ZNF385D: variants seen among roughly 807,000 people sequenced by gnomAD.
ZNF385D encodes zinc finger protein 385D, also known as zinc finger protein 659.
ZNF385D carries 15 observed loss-of-function variants against 35.8 expected under a neutral mutation model. That is an observed-to-expected ratio of 0.42 (90% CI 0.28 to 0.64). The LOEUF is 0.64. Among genes scored for constraint, ZNF385D ranks in the 30% least tolerant of loss-of-function variants. The probability of loss-of-function intolerance (pLI) is 0.23; values close to 1 mark genes in which losing one functional copy is unlikely to be tolerated. For synonymous variants in ZNF385D, 212 were observed against 186.8 expected (o/e 1.13, Z -1.10); for missense variants, 474 against 494.6 (o/e 0.96, Z 0.39).
At chr3:22,194,371 A>C (rs1696264164) in intron 2 of ZNF385D, among the ~76,000 whole-genome samples, 1 of 151,892 alleles carries the variant, frequency 6.6e-6, no homozygotes, top group Non-Finnish European at 1.5e-5. Flanking sequence ...ATTTAATTCA[A>C]TCTGACAGGT....
chr3:21,768,659 C>T (rs2070938838), intron 3 of ZNF385D, among the ~76,000 whole-genome samples: 1 of 151,508 alleles, frequency 6.6e-6, no homozygotes, highest in Non-Finnish European at 1.5e-5. Flanking sequence ...CTTTGTCTTC[C>T]AAATATTGGG....
chr3:22,177,773 C>T (rs879272672), intron 2 of ZNF385D, among the ~76,000 whole-genome samples: 1 of 152,132 alleles, frequency 6.6e-6, no homozygotes, highest in African/African-American at 2.4e-5. Context: ...GTGATGTTCC[C>T]CTTCCTGTGC....
chr3:22,319,524 A>C (rs1426887550), intron 2 of ZNF385D, among the ~76,000 whole-genome samples: 5 of 152,152 alleles, frequency 3.3e-5, no homozygotes, highest in Non-Finnish European at 7.4e-5. Flanking sequence ...TGGACACTAG[A>C]AATGCTGTTG....
At chr3:21,882,373 G>A (rs192331983) in intron 3 of ZNF385D, among the ~76,000 whole-genome samples, 33 of 151,898 alleles carry the variant, frequency 2.2e-4, no homozygotes, top group Non-Finnish European at 3.4e-4. Flanking sequence ...TGGTGCTTCA[G>A]ATGATTGTAA....
At chr3:22,132,379 A>G (rs749592669) in intron 3 of ZNF385D, among the ~76,000 whole-genome samples, 1 of 152,174 alleles carries the variant, frequency 6.6e-6, no homozygotes, top group Non-Finnish European at 1.5e-5. Context: ...CAGAACTGAG[A>G]TAAATACATT....
At position 21,731,552 on chromosome 3, in the gene ZNF385D, G is replaced by A. The variant is rs2068995080; in HGVS notation, c.22+19343C>T. Among the ~76,000 whole-genome samples the A allele has an allele frequency of 1.3e-5, 2 of 152,106 alleles. 1 individual carries two copies. Among genetic ancestry groups the A allele is most frequent in the South Asian group, 4.1e-4 (2 of 4,826 alleles). ...TACGTTAACATTAAGGTTCACTCTT[G>A]GTGTTGTACATTATGTAGGTTTGGA... On this transcript the variant is annotated intron_variant, in intron 1 of 7. Transcript: ENST00000281523.
chr3:21,767,401 T>C (rs2070876502), intron 3 of ZNF385D, among the ~76,000 whole-genome samples: 2 of 152,078 alleles, frequency 1.3e-5, no homozygotes, highest in Non-Finnish European at 2.9e-5. Context: ...GATTGAACAC[T>C]ATTTCTTCTA....
At chr3:21,900,551 A>C (rs259486) in intron 3 of ZNF385D, among the ~76,000 whole-genome samples, 22,904 of 152,144 alleles carry the variant, frequency 0.15, 2,001 homozygotes, top group Middle Eastern at 0.16. Flanking sequence ...ATTAGTGTTC[A>C]TTTAGGTTCT....
intron 3 of ZNF385D, among the ~76,000 whole-genome samples, chr3:21,964,567 G>C (rs1308251325): frequency 7.8e-6 from 1 of 128,860 alleles, no homozygotes. Context: ...TTGGCTCACT[G>C]CAACCTCTGC....
At chr3:21,613,883 G>C (rs1349651071) in intron 2 of ZNF385D, among the ~76,000 whole-genome samples, 1 of 152,122 alleles carries the variant, frequency 6.6e-6, no homozygotes, top group Non-Finnish European at 1.5e-5. Flanking sequence ...ACATTTGCTG[G>C]CTTGGATGAA....
At chr3:21,572,990 A>G (rs2063378515) in intron 2 of ZNF385D, among the ~76,000 whole-genome samples, 1 of 152,144 alleles carries the variant, frequency 6.6e-6, no homozygotes, top group South Asian at 2.1e-4. Context: ...ATTTTTAAGC[A>G]CAAACACATG....
At chr3:22,278,208 C>T (rs1454983161) in intron 2 of ZNF385D, among the ~76,000 whole-genome samples, 1 of 151,952 alleles carries the variant, frequency 6.6e-6, no homozygotes, top group African/African-American at 2.4e-5. Context: ...AAAAAGAATG[C>T]AACTATAAAT....
At chr3:22,170,056 T>C (rs528591454) in intron 2 of ZNF385D, among the ~76,000 whole-genome samples, 2 of 152,342 alleles carry the variant, frequency 1.3e-5, no homozygotes, top group South Asian at 2.1e-4. Flanking sequence ...CTAAGTTTTC[T>C]CTACTTCCAC....
At chr3:22,168,819 T>C (rs1449919067) in exon 3 of ZNF385D, 2 of 985,692 alleles carry the variant, frequency 2.0e-6, no homozygotes, top group Non-Finnish European at 2.4e-6. Flanking sequence ...AAGCTTACCA[T>C]TGTCATTTTT....
chr3:21,441,329 A>G (rs447071), intron 4 of ZNF385D, among the ~76,000 whole-genome samples: 147,957 of 152,184 alleles, frequency 0.97, 71,939 homozygotes, highest in East Asian at 1. Flanking sequence ...GGTGCACAAC[A>G]TTTGCATTAT....
chr3:21,947,098 G>A (rs892229125), intron 3 of ZNF385D, among the ~76,000 whole-genome samples: 2 of 152,042 alleles, frequency 1.3e-5, no homozygotes, highest in African/African-American at 4.8e-5. Flanking sequence ...TGGGGTCAAA[G>A]GTGATATAAA....
At chr3:21,906,393 G>C (rs1699685752) in intron 3 of ZNF385D, among the ~76,000 whole-genome samples, 1 of 152,150 alleles carries the variant, frequency 6.6e-6, no homozygotes. Context: ...ATTTTGGATA[G>C]TTTAAGCTCT....
intron 2 of ZNF385D, among the ~76,000 whole-genome samples, chr3:22,369,591 T>C (rs1333425421): frequency 6.6e-6 from 1 of 152,140 alleles, no homozygotes; most frequent in Non-Finnish European, 1.5e-5. Context: ...TTCCCCAAGA[T>C]TTTCTATTTT....
chr3:21,940,734 G>GT (rs1342235536), intron 3 of ZNF385D, among the ~76,000 whole-genome samples: 6 of 152,146 alleles, frequency 3.9e-5, no homozygotes, highest in Non-Finnish European at 8.8e-5. Flanking sequence ...TAGGCTTGGA[G>GT]TATAAAGAGT....
Sources: allele counts gnomAD v4.1 joint callset (sites outside exome capture counted in the v4.1 genomes callset), GRCh38; gene constraint gnomAD v4.1.1; transcripts MANE v1.5; gene names NCBI Gene and HGNC (gene_info 2026-07-23, HGNC 2026-07-21).